The following ADNP variants were observed in gnomAD, a reference collection of about 807,000 sequenced individuals.
ADNP encodes the protein activity-dependent neuroprotector homeobox protein.
Under a neutral mutation model 84.9 loss-of-function variants are expected in ADNP, and 4 were observed. The ratio of observed to expected loss-of-function variants is 0.05; its 90% CI spans 0.02 to 0.11. The LOEUF (loss-of-function observed/expected upper bound fraction) is 0.11, where lower values mean the gene tolerates loss of function less well. Ranked by LOEUF, ADNP falls within the 10% of genes least tolerant of loss-of-function variation. The pLI, the probability that ADNP is intolerant of heterozygous loss-of-function variation, is 1.00. For synonymous variants in ADNP, 554 were observed against 468.1 expected, an observed-to-expected ratio of 1.18 and a Z score of -2.37; for missense variants, 1,132 against 1,326.0, an observed-to-expected ratio of 0.85 and a Z score of 2.27.
At chr20:50,930,805 G>T (rs1398115104) in intron 1 of ADNP, 21 bp downstream of exon 1, 3 of 148,908 alleles carry the variant, frequency 2.0e-5, no homozygotes, top group Non-Finnish European at 4.5e-5. Flanking sequence ...GCGGGTCCGC[G>T]CGCGGCGGCG....
In ADNP at chr20:50,891,988, T is replaced by C. The variant is rs140206183; in HGVS notation, c.2726A>G (p.Glu909Gly). The change falls in exon 6 of 6, where the codon GAG becomes GGG. Residue 909 changes from glutamate (E) to glycine (G), a missense_variant. By Grantham distance (98) the Glu-to-Gly change is moderately conservative. Transcript: ENST00000621696. The stretch of plus-strand genomic sequence containing the variant: ...AGGAATTACCTTCAGTACATGTTCC[T>C]CTGGGTTATCGTTAGAGATTTTAGG... ...VEPKISNDNP[E>G]EHVLKVIPED... 1.7e-5 allele frequency: 28 copies of C among 1,614,106 alleles called. No homozygotes were observed. Among genetic ancestry groups the C allele is most frequent in the Non-Finnish European group, 2.3e-5 (27 of 1,180,044 alleles).
intron 2 of ADNP, among the ~76,000 whole-genome samples, chr20:50,910,917 G>C (rs1162993677): frequency 6.6e-6 from 1 of 152,314 alleles, no homozygotes; most frequent in East Asian, 1.9e-4. Context: ...GCCCCGCAAA[G>C]TGTTGGGATT....
In ADNP at chr20:50,928,684, G is replaced by C. The variant is rs1984445537; in HGVS notation, c.-123C>G. Reference sequence around the variant, plus strand: ...ATTGACAATGTGGTCCAAAGAGCAAGGCAGGAAACGGAGTCCAGATCCTCA... The same window carrying C: ...ATTGACAATGTGGTCCAAAGAGCAACGCAGGAAACGGAGTCCAGATCCTCA... On this transcript the variant is annotated 5_prime_UTR_variant, in exon 2 of 6. Transcript: ENST00000621696. The C allele has an allele frequency of 6.6e-6, 1 of 152,244 alleles. No homozygotes were observed. Among genetic ancestry groups the C allele is most frequent in the Non-Finnish European group, 1.5e-5 (1 of 68,070 alleles). The allele number at this position is 152,244 out of a possible 1,614,324, so 9.4% of individuals were successfully genotyped here. A position where few individuals can be genotyped will look rare whatever the true frequency, so the allele number is the denominator to read the frequency against.
intron 2 of ADNP, among the ~76,000 whole-genome samples, chr20:50,909,295 G>A (rs1182328405): frequency 1.4e-5 from 2 of 145,758 alleles, no homozygotes; most frequent in South Asian, 2.2e-4. Context: ...CTCCAGAGGC[G>A]GAGGTTGTGG....
chr20:50,924,769 T>A (rs1360360558), intron 2 of ADNP, among the ~76,000 whole-genome samples: 1 of 152,208 alleles, frequency 6.6e-6, no homozygotes, highest in Non-Finnish European at 1.5e-5. Context: ...CAATTACAAA[T>A]CTATACCCTT....
Position 50,891,180 on chromosome 20 carries a change from T to C in ADNP, c.*225A>G, listed in dbSNP as rs940179092. The C allele has an allele frequency of 4.3e-5, 56 of 1,311,460 alleles. No homozygotes were observed. The African/African-American group carries it at 7.1e-4, about 17-fold the overall frequency. The allele number at this position is 1,311,460 out of a possible 1,614,324, so 81.2% of individuals were successfully genotyped here. ...TGTGTATTCATGAGTCACCAGCTTA[T>C]TGGTTTTTCACATTTAGTTACCGTG... On this transcript the variant is annotated 3_prime_UTR_variant, in exon 6 of 6. Coordinates refer to ENST00000621696, the MANE Select transcript of ADNP (RefSeq NM_001282531.3).
chr20:50,908,147 GTTTTT>G (rs142605027), intron 2 of ADNP, among the ~76,000 whole-genome samples: 5 of 105,898 alleles, frequency 4.7e-5, no homozygotes, highest in African/African-American at 1.0e-4. Flanking sequence ...AGATTTTTCT[GTTTTT>G]TTTTTTTTTT....
At chr20:50,906,626 G>A (rs1982496680) in intron 2 of ADNP, among the ~76,000 whole-genome samples, 1 of 152,184 alleles carries the variant, frequency 6.6e-6, no homozygotes. Context: ...CGGCAGCTTG[G>A]GGGAAAGAAA....
intron 5 of ADNP, among the ~76,000 whole-genome samples, chr20:50,900,832 A>T (rs1200972904): frequency 6.6e-6 from 1 of 152,198 alleles, no homozygotes; most frequent in Non-Finnish European, 1.5e-5. Flanking sequence ...GCTGATCAAA[A>T]GAAAGACTGA....
rs1339009928 is a variant in ADNP, at chr20:50,890,158, AAAAG to A, written c.*1243_*1246del. The A allele has an allele frequency of 1.3e-5, 3 of 231,926 alleles. No homozygotes were observed. Among genetic ancestry groups the A allele is most frequent in the Non-Finnish European group, 1.6e-5 (2 of 125,642 alleles). The allele number at this position is 231,926 out of a possible 1,614,324, so 14.4% of individuals were successfully genotyped here. ...AAAAAAAAAAAAAAAAAAAAAAAAAAAAAGAAAAACAGATTTTGTACCAGGTGCC... is the reference window on the plus strand; with the variant it reads ...AAAAAAAAAAAAAAAAAAAAAAAAAAAAAAACAGATTTTGTACCAGGTGCC... On this transcript the variant is annotated 3_prime_UTR_variant, in exon 6 of 6. Transcript: ENST00000621696.
chr20:50,900,779 A>AT (rs1299224941), intron 5 of ADNP, among the ~76,000 whole-genome samples: 1 of 152,090 alleles, frequency 6.6e-6, no homozygotes, highest in East Asian at 1.9e-4. Context: ...GCAAATCTCC[A>AT]TTTTTTCCTC....
Position 50,889,736 on chromosome 20 carries a change from T to A in ADNP, c.*1669A>T, listed in dbSNP as rs1980457739. The A allele has an allele frequency of 2.5e-6, 1 of 395,526 alleles. No homozygotes were observed. The highest frequency in any genetic ancestry group is 3.6e-5 in the East Asian group (1 of 27,950). 24.5% of individuals were successfully genotyped at this position (395,526 alleles called of 1,614,324 possible). On this transcript the variant is annotated 3_prime_UTR_variant, in exon 6 of 6. Coordinates refer to ENST00000621696, the MANE Select transcript of ADNP (RefSeq NM_001282531.3). ...GTTTTAATTGCTGGAAATGTTGGCC[T>A]AATTCTGCTTCCTTGTAACTTTCTG...
At chr20:50,903,433 C>A in intron 4 of ADNP, among the ~76,000 whole-genome samples, 1 of 152,168 alleles carries the variant, frequency 6.6e-6, no homozygotes, top group Middle Eastern at 3.2e-3. Flanking sequence ...CCCACACAAG[C>A]ACGCCTCAAC....
intron 1 of ADNP, among the ~76,000 whole-genome samples, chr20:50,929,810 G>A (rs1984539683): frequency 6.6e-6 from 1 of 152,032 alleles, no homozygotes; most frequent in Non-Finnish European, 1.5e-5. Flanking sequence ...TCATTAACAT[G>A]ACAAACACAG....
At chr20:50,896,958 G>C (rs1259666656) in intron 5 of ADNP, among the ~76,000 whole-genome samples, 3 of 152,184 alleles carry the variant, frequency 2.0e-5, no homozygotes. Flanking sequence ...TGTTGTTTGA[G>C]ATGCAGTTTT....
At chr20:50,930,466 G>C (rs1207740971) in intron 1 of ADNP, among the ~76,000 whole-genome samples, 2 of 14,614 alleles carry the variant, frequency 1.4e-4, no homozygotes, top group Non-Finnish European at 2.5e-4. Flanking sequence ...GGGGCGGACG[G>C]GATTAGTTCC....
intron 2 of ADNP, among the ~76,000 whole-genome samples, chr20:50,915,780 G>C (rs1983463040): frequency 6.6e-6 from 1 of 152,218 alleles, no homozygotes; most frequent in South Asian, 2.1e-4. Context: ...CAGTAGTACT[G>C]AGGCTAAAAA....
At chr20:50,930,088 A>C (rs1376925373) in intron 1 of ADNP, among the ~76,000 whole-genome samples, 1 of 152,084 alleles carries the variant, frequency 6.6e-6, no homozygotes, top group Non-Finnish European at 1.5e-5. Flanking sequence ...AGAAGAGGTG[A>C]ATACGAGTGT....
chr20:50,908,496 T>C (rs1015417002), intron 2 of ADNP, among the ~76,000 whole-genome samples: 10 of 152,108 alleles, frequency 6.6e-5, no homozygotes, highest in South Asian at 2.1e-4. Context: ...TTATCTAGGC[T>C]GGGCGCGGTG....
Sources: gnomAD v4.1 joint callset for allele counts (sites outside exome capture counted in the v4.1 genomes callset) on GRCh38, gnomAD v4.1.1 for gene constraint, MANE v1.5 for transcripts, NCBI Gene and HGNC (gene_info 2026-07-23, HGNC 2026-07-21) for gene names.